Variants in SNTG1 observed in about 807,000 individuals in gnomAD.
SNTG1 encodes the protein syntrophin gamma 1, also known as gamma-1-syntrophin.
Under a neutral mutation model 74.7 loss-of-function variants are expected in SNTG1, and 39 were observed. The ratio of observed to expected loss-of-function variants is 0.52; its 90% CI spans 0.40 to 0.68. The LOEUF is 0.68. SNTG1 is among the 30% of genes least tolerant of loss of function. The pLI, the probability that SNTG1 is intolerant of heterozygous loss-of-function variation, is 0.00. For synonymous variants in SNTG1, 254 were observed against 217.1 expected, an observed-to-expected ratio of 1.17 and a Z score of -1.49; for missense variants, 685 against 609.5, an observed-to-expected ratio of 1.12 and a Z score of -1.30.
chr8:50,635,821 T>C (rs558765144), intron 13 of SNTG1, among the ~76,000 whole-genome samples: 1 of 151,996 alleles, frequency 6.6e-6, no homozygotes, highest in Non-Finnish European at 1.5e-5. Flanking sequence ...TAAGACAAAG[T>C]CCCCTTTACT....
At chr8:50,557,151 G>A (rs1165532285) in intron 12 of SNTG1, among the ~76,000 whole-genome samples, 1 of 151,662 alleles carries the variant, frequency 6.6e-6, no homozygotes, top group Non-Finnish European at 1.5e-5. Flanking sequence ...CACTTCTTTA[G>A]GGGCTGATCC....
intron 1 of SNTG1, among the ~76,000 whole-genome samples, chr8:50,127,816 T>C (rs2081194733): frequency 2.0e-5 from 3 of 152,182 alleles, no homozygotes; most frequent in Non-Finnish European, 4.4e-5. Context: ...CTTCATTTAT[T>C]TTCATTGGTT....
chr8:50,450,879 T>TA, intron 8 of SNTG1, 150 bp downstream of exon 8: 1 of 764,438 alleles, frequency 1.3e-6, no homozygotes, highest in Non-Finnish European at 2.1e-6. Flanking sequence ...AATTTTTTTT[T>TA]AAATTAGAAA....
At chr8:50,247,143 C>A (rs976822699) in intron 2 of SNTG1, among the ~76,000 whole-genome samples, 3 of 152,090 alleles carry the variant, frequency 2.0e-5, no homozygotes, top group Admixed American at 2.0e-4. Context: ...CATTAGGGAA[C>A]GAACAAGATG....
In SNTG1 at chr8:50,161,404, G is replaced by A. The variant is rs2082411597; in HGVS notation, c.-102-11157G>A. ...CCCATTGATTGTATAGGGCCAAAGT[G>A]AAGGAAGAAATCAAATACGAAGTTC... On this transcript the variant is annotated intron_variant, in intron 1 of 18. Coordinates refer to ENST00000642720, the MANE Select transcript of SNTG1 (RefSeq NM_018967.5). 2.6e-5 allele frequency among the ~76,000 whole-genome samples: 4 copies of A among 152,332 alleles called. No individual in the cohort carries two copies. The South Asian group carries it at 8.3e-4, about 32-fold the overall frequency.
chr8:50,303,491 C>T (rs911530487), intron 2 of SNTG1, among the ~76,000 whole-genome samples: 5 of 151,692 alleles, frequency 3.3e-5, no homozygotes, highest in African/African-American at 9.7e-5. Flanking sequence ...TATGATTAGG[C>T]CTCAAATTAT....
intron 2 of SNTG1, among the ~76,000 whole-genome samples, chr8:50,293,728 A>C (rs560811608): frequency 6.6e-5 from 10 of 152,106 alleles, no homozygotes; most frequent in African/African-American, 2.2e-4. Context: ...CTTTTAACTT[A>C]ATTACCTCTT....
chr8:50,171,334 CA>C (rs1292479150), intron 1 of SNTG1, among the ~76,000 whole-genome samples: 2 of 152,106 alleles, frequency 1.3e-5, no homozygotes, highest in Non-Finnish European at 2.9e-5. Flanking sequence ...GCAAAGAAAC[CA>C]GTTTGAGTCC....
chr8:49,970,637 A>G (rs1811577538), intron 1 of SNTG1, among the ~76,000 whole-genome samples: 1 of 152,202 alleles, frequency 6.6e-6, no homozygotes. Context: ...CTGACCACGT[A>G]GAGGGTCAGA....
chr8:50,655,684 T>C (rs1238953014), intron 13 of SNTG1, among the ~76,000 whole-genome samples: 1 of 152,168 alleles, frequency 6.6e-6, no homozygotes, highest in Admixed American at 6.6e-5. Flanking sequence ...TAAACATAAT[T>C]AATGGAAAGA....
chr8:50,480,056 C>T (rs1227036076), intron 8 of SNTG1, among the ~76,000 whole-genome samples: 2 of 152,124 alleles, frequency 1.3e-5, no homozygotes, highest in African/African-American at 4.8e-5. Flanking sequence ...TAGAGCACCT[C>T]TGGCTAGAAT....
chr8:49,923,093 T>C (rs951740680), intron 1 of SNTG1, among the ~76,000 whole-genome samples: 2 of 152,182 alleles, frequency 1.3e-5, no homozygotes, highest in Non-Finnish European at 2.9e-5. Context: ...AATATATGCA[T>C]ATTACTACAT....
intron 2 of SNTG1, among the ~76,000 whole-genome samples, chr8:50,285,034 T>A (rs1040378909): frequency 6.6e-6 from 1 of 152,188 alleles, no homozygotes; most frequent in Admixed American, 6.6e-5. Flanking sequence ...TTATTTCATT[T>A]GTGTGCTTTT....
chr8:50,514,091 A>ATATTT (rs1563506733), intron 9 of SNTG1, among the ~76,000 whole-genome samples: 2 of 152,132 alleles, frequency 1.3e-5, no homozygotes, highest in African/African-American at 4.8e-5. Flanking sequence ...TTTTATTTGC[A>ATATTT]TATTTTACTT....
intron 1 of SNTG1, among the ~76,000 whole-genome samples, chr8:49,922,244 C>T (rs1806613668): frequency 6.6e-6 from 1 of 152,112 alleles, no homozygotes; most frequent in Non-Finnish European, 1.5e-5. Flanking sequence ...AAATTTCTCT[C>T]TCAATCACTC....
At chr8:50,090,892 T>A (rs1242471875) in intron 1 of SNTG1, among the ~76,000 whole-genome samples, 2 of 152,140 alleles carry the variant, frequency 1.3e-5, no homozygotes, top group African/African-American at 4.8e-5. Context: ...TTTCTGAAAT[T>A]AAGGCCACAA....
intron 15 of SNTG1, among the ~76,000 whole-genome samples, chr8:50,668,776 C>T (rs576039926): frequency 6.6e-6 from 1 of 151,856 alleles, no homozygotes; most frequent in Non-Finnish European, 1.5e-5. Context: ...ATGATGACTT[C>T]CAGTTCATCC....
At chr8:50,633,162 A>G in intron 13 of SNTG1, among the ~76,000 whole-genome samples, 1 of 24,874 alleles carries the variant, frequency 4.0e-5, no homozygotes, top group Non-Finnish European at 2.3e-4. Context: ...TTGCCTATTA[A>G]TGTGGAGTAA....
At chr8:50,519,401 G>A (rs971475984) in intron 9 of SNTG1, among the ~76,000 whole-genome samples, 67 of 152,112 alleles carry the variant, frequency 4.4e-4, no homozygotes, top group Admixed American at 1.2e-3. Flanking sequence ...CACAAGACAA[G>A]GATGCCCTCT....
Sources: gnomAD v4.1 joint callset for allele counts (sites outside exome capture counted in the v4.1 genomes callset) on GRCh38, gnomAD v4.1.1 for gene constraint, MANE v1.5 for transcripts, NCBI Gene and HGNC (gene_info 2026-07-23, HGNC 2026-07-21) for gene names.